Variants in CYP2A13 observed in about 807,000 individuals in gnomAD.
The protein encoded by CYP2A13 is cytochrome P450 family 2 subfamily A member 13.
Under a neutral mutation model 39.4 loss-of-function variants are expected in CYP2A13, and 30 were observed. That is an observed-to-expected ratio of 0.76 (90% confidence interval 0.57 to 1.03). The LOEUF (loss-of-function observed/expected upper bound fraction) is 1.03, where lower values mean the gene tolerates loss of function less well. Among genes scored for constraint, CYP2A13 ranks in the 50% least tolerant of loss-of-function variants. CYP2A13 has a pLI of 0.00. For missense variants in CYP2A13, 731 were observed against 648.4 expected (o/e 1.13, Z -1.38); for synonymous variants, 269 against 254.7 (o/e 1.06, Z -0.54).
intron 1 of CYP2A13, 66 bp from the exon 2 acceptor site, chr19:41,088,863 T>C: frequency 6.3e-7 from 1 of 1,596,022 alleles, no homozygotes; most frequent in East Asian, 2.2e-5. Flanking sequence ...GTACATGATA[T>C]CTCAGTGCTG....
chr19:41,094,360 A>T lies in CYP2A13; in HGVS notation c.1089A>T (p.Gly363=). ...TGATCCACGAGATCCAAAGATTTGG[A>T]GACATGCTCCCCATGGGTTTGGCCC... ...EAVIHEIQRF[G]DMLPMGLAHR... Residue 363 remains glycine (G), a synonymous_variant, in exon 7 of 9, where the codon GGA becomes GGT. Coordinates refer to ENST00000330436, the MANE Select transcript of CYP2A13 (RefSeq NM_000766.5). 1 of 1,614,062 alleles carries T rather than the reference A, an allele frequency of 6.2e-7. No homozygotes were observed. The highest frequency in any genetic ancestry group is 2.2e-5 in the East Asian group (1 of 44,868).
At position 41,093,785 on chromosome 19, in the gene CYP2A13, G is replaced by A. The variant is rs750471385; in HGVS notation, c.973+14G>A. 2 of 1,613,480 alleles carry A rather than the reference G, an allele frequency of 1.2e-6. No individual in the cohort carries two copies. The highest frequency in any genetic ancestry group is 1.7e-5 in the Admixed American group (1 of 59,942). On this transcript the variant is annotated intron_variant, in intron 6 of 8. Coordinates refer to ENST00000330436, the MANE Select transcript of CYP2A13 (RefSeq NM_000766.5). ...CAGAGGTGGAGGGTAAGACTGGAAAGGGAGGAAAGTGAAGGGCCCCAGACC... is the reference window on the plus strand; with the variant it reads ...CAGAGGTGGAGGGTAAGACTGGAAAAGGAGGAAAGTGAAGGGCCCCAGACC...
Position 41,090,043 on chromosome 19 carries a change from C to T in CYP2A13, c.344-4C>T, listed in dbSNP as rs764669755. 1.9e-6 allele frequency: 3 copies of T among 1,612,144 alleles called. No individual in the cohort carries two copies. The highest frequency in any genetic ancestry group is 2.2e-5 in the East Asian group (1 of 44,788). On this transcript the variant is annotated splice_region_variant and splice_polypyrimidine_tract_variant and intron_variant, in intron 2 of 8. Transcript: ENST00000330436. ...TCTCTCCACCCCCGCGTTCACCTCC[C>T]CAGGCGTGGCGTTCAGCAACGGGGA...
At chr19:41,093,264 T>G (rs2031229133) in intron 5 of CYP2A13, among the ~76,000 whole-genome samples, 1 of 152,010 alleles carries the variant, frequency 6.6e-6, no homozygotes, top group Non-Finnish European at 1.5e-5. Flanking sequence ...CATAGTCATG[T>G]GCATGTGCAG....
chr19:41,092,186 T>C (rs547930274), intron 5 of CYP2A13, among the ~76,000 whole-genome samples: 3 of 151,684 alleles, frequency 2.0e-5, no homozygotes, highest in African/African-American at 4.8e-5. Context: ...TATGGTGGCA[T>C]GCGCCTGTAA....
At chr19:41,091,578 A>G (rs575410062) in intron 4 of CYP2A13, among the ~76,000 whole-genome samples, 154 bp from the exon 5 acceptor site, 3 of 152,334 alleles carry the variant, frequency 2.0e-5, no homozygotes, top group South Asian at 2.1e-4. Context: ...AAACTTAGAT[A>G]TAAGTTTCCA....
intron 5 of CYP2A13, among the ~76,000 whole-genome samples, chr19:41,092,771 A>G (rs2031219764): frequency 6.6e-6 from 1 of 152,166 alleles, no homozygotes; most frequent in South Asian, 2.1e-4. Context: ...TCTGGATGTC[A>G]GCCTCCCATG....
Position 41,095,052 on chromosome 19 carries a change from A to G in CYP2A13, c.1255A>G (p.Lys419Glu), listed in dbSNP as rs145584508. The G allele has an allele frequency of 5.3e-4, 848 of 1,613,992 alleles. 1 individual carries two copies. The highest frequency in any genetic ancestry group is 6.8e-4 in the Non-Finnish European group (806 of 1,180,030). The change falls in exon 8 of 9, where the codon AAG becomes GAG. Residue 419 changes from lysine to glutamate, a missense_variant. Transcript: ENST00000330436. The stretch of plus-strand genomic sequence containing the variant: ...CTTCAATCCCCAGCACTTCCTGGAT[A>G]AGAAGGGGCAGTTTAAGAAGAGTGA... The part of the protein sequence containing the change: ...RDFNPQHFLD[K>E]KGQFKKSDAF...
chr19:41,093,524 T>A, intron 5 of CYP2A13, 106 bp from the exon 6 acceptor site: 2 of 1,424,498 alleles, frequency 1.4e-6, no homozygotes, highest in Non-Finnish European at 1.9e-6. Flanking sequence ...GGTCCCTCTT[T>A]CCACCTTTGG....
intron 1 of CYP2A13, 53 bp from the exon 2 acceptor site, chr19:41,088,876 C>T: frequency 6.2e-7 from 1 of 1,606,592 alleles, no homozygotes; most frequent in Non-Finnish European, 8.5e-7. Context: ...CAGTGCTGGG[C>T]CCATTCAGAG....
Position 41,094,308 on chromosome 19 carries a change from G to A in CYP2A13, c.1037G>A (p.Arg346Gln), listed in dbSNP as rs753118362. 1.1e-5 allele frequency: 17 copies of A among 1,613,904 alleles called. No homozygotes were observed. Among genetic ancestry groups the A allele is most frequent in the Admixed American group, 3.3e-5 (2 of 59,990 alleles). ...AACCGGCAGCCCAAGTTTGAGGACC[G>A]GGCCAAGATGCCCTACACAGAGGCA... Reference protein sequence around the residue: ...GKNRQPKFEDRAKMPYTEAVI... With the variant: ...GKNRQPKFEDQAKMPYTEAVI... The change falls in exon 7 of 9, where the codon CGG (arginine) becomes CAG (glutamine). Residue 346 changes from arginine (R) to glutamine (Q), a missense_variant. Coordinates refer to ENST00000330436, the MANE Select transcript of CYP2A13 (RefSeq NM_000766.5).
chr19:41,095,179 G>A (rs2031278220), intron 8 of CYP2A13, 79 bp downstream of exon 8: 2 of 1,612,314 alleles, frequency 1.2e-6, no homozygotes, highest in Non-Finnish European at 1.7e-6. Flanking sequence ...TCTCTGCGGT[G>A]TAGCCTGGTA....
chr19:41,089,619 C>A (rs533647351), intron 2 of CYP2A13, among the ~76,000 whole-genome samples: 1 of 151,956 alleles, frequency 6.6e-6, no homozygotes, highest in South Asian at 2.1e-4. Context: ...GCTTAAGAAT[C>A]TTTCACCATT....
rs775405942 is a variant in CYP2A13, at chr19:41,089,055, G to A, written c.307G>A (p.Glu103Lys). The change falls in exon 2 of 9, where the codon GAG becomes AAG. Residue 103 changes from glutamate to lysine, a missense_variant. Physicochemically the swap from Glu to Lys is moderately conservative, Grantham distance 56. Transcript: ENST00000330436. ...DQAEEFSGRG[E>K]QATFDWLFKG... is the part of the protein sequence containing the mutation. ...GGCTGAGGAGTTCAGCGGGCGAGGC[G>A]AGCAGGCCACCTTCGACTGGCTCTT... 86 of 1,613,030 alleles carry A rather than the reference G, an allele frequency of 5.3e-5. No individual in the cohort carries two copies. In the South Asian group the frequency reaches 6.5e-4, roughly 12 times the overall value.
In CYP2A13 at chr19:41,093,725, C is replaced by G. The variant is rs1168822637; in HGVS notation, c.927C>G (p.Thr309=). 1.2e-6 allele frequency: 2 copies of G among 1,614,046 alleles called. No homozygotes were observed. Among genetic ancestry groups the G allele is most frequent in the East Asian group, 4.5e-5 (2 of 44,872 alleles). Residue 309 remains threonine (T), a synonymous_variant, in exon 6 of 9, where the codon ACC becomes ACG. Coordinates refer to ENST00000330436, the MANE Select transcript of CYP2A13 (RefSeq NM_000766.5). ...CGGGCACTGAGACCGTGAGCACCAC[C>G]CTGCGCTACGGTTTCCTGCTGCTCA... The part of the protein sequence containing the change: ...FFAGTETVST[T]LRYGFLLLMK...
Position 41,091,727 on chromosome 19 carries a change from C to T in CYP2A13, c.655-5C>T. 5.0e-6 allele frequency: 8 copies of T among 1,613,730 alleles called. No individual in the cohort carries two copies. Among genetic ancestry groups the T allele is most frequent in the East Asian group, 2.2e-5 (1 of 44,886 alleles). On this transcript the variant is annotated splice_region_variant and splice_polypyrimidine_tract_variant and intron_variant, in intron 4 of 8. Coordinates refer to ENST00000330436, the MANE Select transcript of CYP2A13 (RefSeq NM_000766.5). ...TCCCTTCCCATCCTCTCTCTGCAAC[C>T]CCAGCTCTATGAGATGTTCTCTTCG...
chr19:41,090,242 G>A (rs751583562), intron 3 of CYP2A13, 46 bp downstream of exon 3: 1 of 1,548,916 alleles, frequency 6.5e-7, no homozygotes, highest in South Asian at 1.2e-5. Context: ...CGCGCTTTCT[G>A]CCTGGGGATG....
chr19:41,091,511 C>T (rs1599654556), intron 4 of CYP2A13, among the ~76,000 whole-genome samples: 2 of 152,206 alleles, frequency 1.3e-5, no homozygotes, highest in East Asian at 1.9e-4. Context: ...TGGATATATG[C>T]CTCAGTTCTT....
intron 6 of CYP2A13, 50 bp from the exon 7 acceptor site, chr19:41,094,195 C>T (rs755437584): frequency 1.2e-6 from 2 of 1,601,576 alleles, no homozygotes; most frequent in East Asian, 2.2e-5. Flanking sequence ...GGACTATCAT[C>T]CCTGCTCTAA....
Sources: allele counts gnomAD v4.1 joint callset (sites outside exome capture counted in the v4.1 genomes callset), GRCh38; gene constraint gnomAD v4.1.1; transcripts MANE v1.5; gene names NCBI Gene and HGNC (gene_info 2026-07-23, HGNC 2026-07-21).